Variants in TMPRSS7 observed in about 807,000 individuals in gnomAD.
TMPRSS7 encodes the protein transmembrane protease serine 7.
TMPRSS7 carries 81 observed loss-of-function variants against 95.6 expected under a neutral mutation model. The observed-to-expected ratio is 0.85, with a 90% confidence interval of 0.71 to 1.02. The LOEUF (loss-of-function observed/expected upper bound fraction) is 1.02. Ranked by LOEUF, TMPRSS7 falls within the 50% of genes least tolerant of loss-of-function variation. TMPRSS7 has a pLI of 0.00. For synonymous variants in TMPRSS7, 364 were observed against 337.8 expected, an observed-to-expected ratio of 1.08 and a Z score of -0.85; for missense variants, 945 against 955.2, an observed-to-expected ratio of 0.99 and a Z score of 0.14.
At chr3:112,054,417 C>A (rs1438751363) in intron 9 of TMPRSS7, among the ~76,000 whole-genome samples, 2 of 152,184 alleles carry the variant, frequency 1.3e-5, no homozygotes, top group Non-Finnish European at 2.9e-5. Context: ...CATTGTGAAA[C>A]TAAATGTCAC....
chr3:112,044,309 G>T lies in TMPRSS7; in HGVS notation c.484G>T (p.Val162Phe), dbSNP rs1443546943. The T allele has an allele frequency of 7.1e-6, 11 of 1,551,166 alleles. No individual in the cohort carries two copies. The highest frequency in any genetic ancestry group is 9.6e-6 in the Non-Finnish European group (11 of 1,146,694). The change falls in exon 4 of 18, where the codon GTT becomes TTT. Residue 162 changes from valine (V) to phenylalanine (F), a missense_variant. Transcript: ENST00000452346. ...CTCCAAATTTTATGAGCAGTCTGTT[G>T]TTGCAGATGTCAGGTAATGCATGTC...
At chr3:112,079,375 T>A (rs1280851132) in intron 17 of TMPRSS7, among the ~76,000 whole-genome samples, 3 of 152,192 alleles carry the variant, frequency 2.0e-5, no homozygotes, top group Non-Finnish European at 4.4e-5. Flanking sequence ...GAGATTCCAA[T>A]CTATGCAGTT....
chr3:112,035,595 A>G (rs1288274309), intron 1 of TMPRSS7, among the ~76,000 whole-genome samples: 2 of 152,198 alleles, frequency 1.3e-5, no homozygotes, highest in East Asian at 3.9e-4. Context: ...ACAGTGCAAA[A>G]GAGAGATTAT....
chr3:112,068,152 T>C (rs2073598866), intron 13 of TMPRSS7, among the ~76,000 whole-genome samples: 1 of 152,246 alleles, frequency 6.6e-6, no homozygotes, highest in African/African-American at 2.4e-5. Flanking sequence ...TGGTGTTATT[T>C]CTGAGGTCTC....
chr3:112,048,087 A>G, intron 7 of TMPRSS7, 120 bp downstream of exon 7: 1 of 829,254 alleles, frequency 1.2e-6, no homozygotes, highest in East Asian at 2.6e-5. Context: ...ACATGAGGTC[A>G]ATGGCTGACC....
In TMPRSS7 at chr3:112,048,043, T is replaced by C. The variant is rs1156439524; in HGVS notation, c.959+76T>C. 4 of 1,431,900 alleles carry C rather than the reference T, an allele frequency of 2.8e-6. No homozygotes were observed. The African/African-American group carries it at 5.7e-5, about 20-fold the overall frequency. The allele number at this position is 1,431,900 out of a possible 1,614,324, so 88.7% of individuals were successfully genotyped here. A position where few individuals can be genotyped will look rare whatever the true frequency, so the allele number is the denominator to read the frequency against. Reference sequence around the variant, plus strand: ...TGTTTTACAGTATCTGTGTTCCCCCTGGATTTTTTTTTAAAAACAGTTTTT... The same window carrying C: ...TGTTTTACAGTATCTGTGTTCCCCCCGGATTTTTTTTTAAAAACAGTTTTT... On this transcript the variant is annotated intron_variant, in intron 7 of 17. Transcript: ENST00000452346.
At chr3:112,044,759 A>T (rs185491009) in intron 4 of TMPRSS7, among the ~76,000 whole-genome samples, 187 of 140,358 alleles carry the variant, frequency 1.3e-3, no homozygotes, top group African/African-American at 4.7e-3. Context: ...ACCCCCACCC[A>T]CTCCCAATAT....
intron 13 of TMPRSS7, among the ~76,000 whole-genome samples, chr3:112,066,723 G>C (rs575890605): frequency 9.6e-4 from 146 of 152,182 alleles, no homozygotes; most frequent in African/African-American, 3.4e-3. Context: ...TGGAATGTGT[G>C]TATGTGTGTG....
exon 13 of TMPRSS7, chr3:112,066,412 A>G (rs762737860): frequency 6.2e-7 from 1 of 1,614,040 alleles, no homozygotes; most frequent in Non-Finnish European, 8.5e-7. Context: ...ACCTGCCTGC[A>G]ATACCAGCTC....
rs1161735611 is a variant in TMPRSS7, at chr3:112,054,729, C to CTTTTTTTTTTTTTTTT, written c.1204-2282_1204-2267dup. Among the ~76,000 whole-genome samples, 53 of 49,026 alleles carry CTTTTTTTTTTTTTTTT rather than the reference C, an allele frequency of 1.1e-3. 19 individuals are homozygous for CTTTTTTTTTTTTTTTT. Among genetic ancestry groups the CTTTTTTTTTTTTTTTT allele is most frequent in the East Asian group, 4.4e-3 (5 of 1,136 alleles). The allele number at this position is 49,026 out of a possible 152,430, so 32.2% of individuals were successfully genotyped here. A position where few individuals can be genotyped will look rare whatever the true frequency, so the allele number is the denominator to read the frequency against. On this transcript the variant is annotated intron_variant, in intron 9 of 17. Transcript: ENST00000452346. ...AACATATTTACTATCTCTCAGTTTG[C>CTTTTTTTTTTTTTTTT]TTTTTTTTTTTTTTTTTTTTTTTTT...
At chr3:112,050,538 A>C (rs75755582) in intron 8 of TMPRSS7, 133 bp from the exon 9 acceptor site, 6 of 392,412 alleles carry the variant, frequency 1.5e-5, no homozygotes, top group Admixed American at 3.4e-5. Flanking sequence ...AAAAAAAAAA[A>C]CCCAAAGTTT....
intron 14 of TMPRSS7, 28 bp downstream of exon 14, chr3:112,074,440 C>A: frequency 1.3e-6 from 2 of 1,484,434 alleles, no homozygotes; most frequent in Non-Finnish European, 1.9e-6. Flanking sequence ...CCTTTGGGTT[C>A]CTGTATTCCC....
At chr3:112,050,522 GAAAA>G (rs568785162) in intron 8 of TMPRSS7, 145 bp from the exon 9 acceptor site, 5 of 169,122 alleles carry the variant, frequency 3.0e-5, no homozygotes, top group South Asian at 2.5e-4. Flanking sequence ...CCTTTCTTCT[GAAAA>G]AAAAAAAAAA....
chr3:112,041,611 G>T (rs2073209975), intron 2 of TMPRSS7, among the ~76,000 whole-genome samples: 2 of 152,138 alleles, frequency 1.3e-5, no homozygotes, highest in Admixed American at 6.5e-5. Flanking sequence ...GAGACAGAGA[G>T]AAATTATGAT....
intron 12 of TMPRSS7, among the ~76,000 whole-genome samples, chr3:112,065,448 C>T (rs1367772808): frequency 2.6e-5 from 4 of 152,144 alleles, no homozygotes; most frequent in African/African-American, 9.7e-5. Context: ...AAAATAAATA[C>T]TGATCATTAT....
chr3:112,080,656 A>G (rs1039974933), intron 17 of TMPRSS7, among the ~76,000 whole-genome samples: 10 of 152,160 alleles, frequency 6.6e-5, no homozygotes, highest in Admixed American at 5.2e-4. Context: ...TTTCTCCAGT[A>G]AGAATCTTCC....
chr3:112,066,694 T>C (rs950619383), intron 13 of TMPRSS7, among the ~76,000 whole-genome samples, 192 bp downstream of exon 13: 1 of 152,106 alleles, frequency 6.6e-6, no homozygotes, highest in Non-Finnish European at 1.5e-5. Context: ...ATAGGGACAG[T>C]TGGTCACTCT....
At chr3:112,037,013 A>C (rs1159138476) in intron 1 of TMPRSS7, among the ~76,000 whole-genome samples, 1 of 152,126 alleles carries the variant, frequency 6.6e-6, no homozygotes, top group African/African-American at 2.4e-5. Context: ...CTGAGGATGT[A>C]TGTAGCCTCA....
chr3:112,044,835 T>C (rs1239246220), intron 4 of TMPRSS7, among the ~76,000 whole-genome samples: 1 of 151,592 alleles, frequency 6.6e-6, no homozygotes, highest in Non-Finnish European at 1.5e-5. Context: ...CCTTGGAGTA[T>C]AGCAACTTGA....
Sources: gnomAD v4.1 joint callset for allele counts (sites outside exome capture counted in the v4.1 genomes callset) on GRCh38, gnomAD v4.1.1 for gene constraint, MANE v1.5 for transcripts, NCBI Gene and HGNC (gene_info 2026-07-23, HGNC 2026-07-21) for gene names.